Variants in UTP20 observed in about 807,000 individuals in gnomAD.
UTP20 encodes UTP20 small subunit processome component, also known as small subunit processome component 20 homolog.
Under a neutral mutation model 329.5 loss-of-function variants are expected in UTP20, and 164 were observed. The observed-to-expected ratio is 0.50, with a 90% confidence interval of 0.44 to 0.57. UTP20 has a LOEUF of 0.57. UTP20 is among the 20% of genes least tolerant of loss of function. UTP20 has a pLI of 0.00. For synonymous variants in UTP20, 1,151 were observed against 1,159.3 expected (o/e 0.99, Z 0.14); for missense variants, 3,055 against 3,284.2 (o/e 0.93, Z 1.71).
chr12:101,312,328 T>C (rs577326876), intron 21 of UTP20, 52 bp downstream of exon 21: 1 of 1,595,506 alleles, frequency 6.3e-7, no homozygotes, highest in Non-Finnish European at 8.5e-7. Flanking sequence ...AAGAAGAGAA[T>C]GTGAGAAGTA....
rs1220589083 is a variant in UTP20 at position 101,290,203 on chromosome 12, G to C, written c.664G>C (p.Glu222Gln). ...LDLDKHPEKV[E>Q]GVGQLLFEMC... ...TCTTGATAAACATCCAGAAAAAGTT[G>C]AAGGTGTTGGACAGTTGCTCTTTGA... Residue 222 changes from glutamate (E) to glutamine (Q), a missense_variant, in exon 7 of 62, where the codon GAA becomes CAA. Transcript: ENST00000261637. 5 of 1,608,676 alleles carry C rather than the reference G, an allele frequency of 3.1e-6. No individual in the cohort carries two copies. The highest frequency in any genetic ancestry group is 4.2e-6 in the Non-Finnish European group (5 of 1,177,352).
chr12:101,370,645 G>A, intron 50 of UTP20, 82 bp downstream of exon 50: 1 of 1,418,606 alleles, frequency 7.0e-7, no homozygotes, highest in Admixed American at 2.1e-5. Flanking sequence ...ATAGTGTTTT[G>A]ACTAGTCATA....
chr12:101,285,529 C>A (rs1871932562), intron 2 of UTP20, 41 bp from the exon 3 acceptor site: 1 of 1,585,920 alleles, frequency 6.3e-7, no homozygotes, highest in Non-Finnish European at 8.6e-7. Flanking sequence ...TCATTGCTTT[C>A]TTAGAGTTAT....
chr12:101,370,655 A>G, intron 50 of UTP20, 92 bp downstream of exon 50: 18 of 1,319,132 alleles, frequency 1.4e-5, no homozygotes, highest in Non-Finnish European at 1.9e-5. Context: ...GACTAGTCAT[A>G]GACTTCTGAA....
chr12:101,323,349 G>C (rs1436548408), intron 25 of UTP20, among the ~76,000 whole-genome samples: 2 of 152,120 alleles, frequency 1.3e-5, no homozygotes, highest in Non-Finnish European at 2.9e-5. Flanking sequence ...GAAAATTGAT[G>C]AAAATTTTAA....
intron 10 of UTP20, among the ~76,000 whole-genome samples, chr12:101,292,458 GA>G (rs375256663): frequency 9.2e-5 from 14 of 152,278 alleles, no homozygotes; most frequent in African/African-American, 3.4e-4. Flanking sequence ...AGTTGTTGGA[GA>G]AATGGAGCCT....
intron 43 of UTP20, among the ~76,000 whole-genome samples, chr12:101,357,416 A>G (rs76467231): frequency 0.023 from 3,481 of 152,280 alleles, 141 homozygotes; most frequent in African/African-American, 0.08. Context: ...ATGATAAAGA[A>G]CATACACATC....
At chr12:101,326,158 C>T (rs1294988123) in intron 25 of UTP20, among the ~76,000 whole-genome samples, 4 of 152,106 alleles carry the variant, frequency 2.6e-5, no homozygotes, top group Admixed American at 1.3e-4. Flanking sequence ...TTACCAGGAA[C>T]GATTAATCTG....
In UTP20 at chr12:101,383,592, T is replaced by C. The variant is rs200707485; in HGVS notation, c.7979T>C (p.Ile2660Thr). The C allele has an allele frequency of 1.5e-4, 236 of 1,613,872 alleles. No individual in the cohort carries two copies. Among genetic ancestry groups the C allele is most frequent in the Non-Finnish European group, 1.9e-4 (226 of 1,179,928 alleles). ...GGCGCCGTAGCAATGGATCTTGGGATAGACAAGGTAAAGCCGTATCTCCCA... is the reference window on the plus strand; with the variant it reads ...GGCGCCGTAGCAATGGATCTTGGGACAGACAAGGTAAAGCCGTATCTCCCA... ...FLGAVAMDLGIDKVKPYLPMI... is the reference protein window; with the variant it reads ...FLGAVAMDLGTDKVKPYLPMI... Residue 2660 changes from isoleucine (I) to threonine (T), a missense_variant, in exon 60 of 62, where the codon ATA (isoleucine) becomes ACA (threonine). Physicochemically the swap from Ile to Thr is moderately conservative, Grantham distance 89. Around this residue, in one of 3 missense-constraint regions of UTP20, gnomAD observed 337 missense variants for 345.5 expected, o/e 0.98. Coordinates refer to ENST00000261637, the MANE Select transcript of UTP20 (RefSeq NM_014503.3).
At chr12:101,365,171 A>C (rs886843645) in intron 45 of UTP20, among the ~76,000 whole-genome samples, 1 of 151,606 alleles carries the variant, frequency 6.6e-6, no homozygotes, top group Non-Finnish European at 1.5e-5. Flanking sequence ...TAGAAGTCTC[A>C]TATCTCTGGC....
rs779113758 is a variant in UTP20 at position 101,291,813 on chromosome 12, G to A, written c.963G>A (p.Arg321=). The A allele has an allele frequency of 6.2e-7, 1 of 1,613,714 alleles. No individual in the cohort carries two copies. Among genetic ancestry groups the A allele is most frequent in the Non-Finnish European group, 8.5e-7 (1 of 1,179,906 alleles). Residue 321 remains arginine (R), a synonymous_variant, in exon 9 of 62, where the codon AGG becomes AGA. Coordinates refer to ENST00000261637, the MANE Select transcript of UTP20 (RefSeq NM_014503.3). ...GTGAAAGTTCTGAACAGATTAAAAG[G>A]TTGTTGGAAACATACCTTATACTTG... ...NCCESSEQIK[R]LLETYLILVK...
At chr12:101,296,285 C>T (rs1872345536) in intron 12 of UTP20, among the ~76,000 whole-genome samples, 1 of 152,110 alleles carries the variant, frequency 6.6e-6, no homozygotes, top group African/African-American at 2.4e-5. Context: ...AATAACCACA[C>T]TCCTGGCCAG....
In UTP20 at chr12:101,385,746, A is replaced by G. The variant is rs1295003727; in HGVS notation, c.8202+18A>G. ...CCCTGGAGGTAAGTTTGCTCTTTGA[A>G]AATATGGCATGTTCACTGGACTTGA... On this transcript the variant is annotated intron_variant, in intron 61 of 61. Transcript: ENST00000261637. 6.2e-7 allele frequency: 1 copy of G among 1,606,786 alleles called. No homozygotes were observed. The highest frequency in any genetic ancestry group is 2.2e-5 in the East Asian group (1 of 44,810).
chr12:101,345,157 G>C lies in UTP20; in HGVS notation c.4606-397G>C, dbSNP rs543109231. 3.3e-5 allele frequency among the ~76,000 whole-genome samples: 5 copies of C among 152,178 alleles called. No homozygotes were observed. In the South Asian group the frequency reaches 1.0e-3, roughly 32 times the overall value. On this transcript the variant is annotated intron_variant, in intron 36 of 61. Coordinates refer to ENST00000261637, the MANE Select transcript of UTP20 (RefSeq NM_014503.3). Reference sequence around the variant, plus strand: ...GACGGGGTTTCACCATGTTGGCCAAGCTGGTCCCGAACTCCTGACCTCAAG... The same window carrying C: ...GACGGGGTTTCACCATGTTGGCCAACCTGGTCCCGAACTCCTGACCTCAAG...
intron 12 of UTP20, among the ~76,000 whole-genome samples, chr12:101,297,359 G>A (rs1872389958): frequency 6.6e-6 from 1 of 152,076 alleles, no homozygotes; most frequent in African/African-American, 2.4e-5. Flanking sequence ...GGAACCATAG[G>A]CACGCACCAC....
intron 38 of UTP20, among the ~76,000 whole-genome samples, chr12:101,351,031 G>A (rs1469119782): frequency 6.6e-6 from 1 of 152,064 alleles, no homozygotes; most frequent in Non-Finnish European, 1.5e-5. Context: ...GTAAATTGGG[G>A]GTAATTAATA....
chr12:101,357,169 C>A, intron 43 of UTP20, 87 bp downstream of exon 43: 1 of 1,312,664 alleles, frequency 7.6e-7, no homozygotes, highest in Non-Finnish European at 1.0e-6. Flanking sequence ...GAACTTTGGG[C>A]CTGTCTTTAA....
chr12:101,366,994 G>C (rs910950137), intron 47 of UTP20, among the ~76,000 whole-genome samples: 38 of 151,992 alleles, frequency 2.5e-4, no homozygotes, highest in African/African-American at 8.9e-4. Context: ...AAGAGATGGT[G>C]AGTGGCCAGA....
intron 18 of UTP20, among the ~76,000 whole-genome samples, chr12:101,308,969 G>A (rs936390189): frequency 2.0e-5 from 3 of 151,860 alleles, no homozygotes; most frequent in African/African-American, 7.3e-5. Context: ...TCCTGACCTC[G>A]TGATCCGCCC....
Sources: allele counts gnomAD v4.1 joint callset (sites outside exome capture counted in the v4.1 genomes callset), GRCh38; gene constraint gnomAD v4.1.1; regional missense constraint gnomAD v4.1.1; transcripts MANE v1.5; gene names NCBI Gene and HGNC (gene_info 2026-07-23, HGNC 2026-07-21).